The following CHD7 variants were observed in gnomAD, a reference collection of about 807,000 sequenced individuals.
The protein encoded by CHD7 is ATP-dependent chromatin remodeler CHD7.
A neutral mutation model predicts 307.3 loss-of-function variants in CHD7; 24 were observed. The observed-to-expected ratio is 0.08, with a 90% CI of 0.06 to 0.11. The LOEUF (loss-of-function observed/expected upper bound fraction) is 0.11. CHD7 is among the 10% of genes least tolerant of loss of function. The pLI is 1.00. For synonymous variants in CHD7, 1,363 were observed against 1,349.9 expected, an observed-to-expected ratio of 1.01 and a Z score of -0.21; for missense variants, 3,106 against 3,727.1, an observed-to-expected ratio of 0.83 and a Z score of 4.34.
intron 14 of CHD7, among the ~76,000 whole-genome samples, chr8:60,829,743 A>G (rs6997208): frequency 0.84 from 127,331 of 152,264 alleles, 53,667 homozygotes; most frequent in East Asian, 0.94. Flanking sequence ...TGCCCCCTCC[A>G]CTGACTTACT....
At chr8:60,679,921 G>C (rs1805503348) in intron 1 of CHD7, 1 of 151,946 alleles carries the variant, frequency 6.6e-6, no homozygotes, top group African/African-American at 2.4e-5. Context: ...CCGGAGTTGG[G>C]GGCTCCTGGG....
rs193140738 is a variant in CHD7, at chr8:60,733,644, T to G, written c.-174-7615T>G. On this transcript the variant is annotated intron_variant, in intron 1 of 37. Transcript: ENST00000423902. ...ATAATTTATGTATGGGGTAATATAC[T>G]CCTTTTGACCACTTTGGAAAAAGCT... Among the ~76,000 whole-genome samples, 257 of 152,358 alleles carry G rather than the reference T, an allele frequency of 1.7e-3. 1 individual carries two copies. Among genetic ancestry groups the G allele is most frequent in the African/African-American group, 5.7e-3 (239 of 41,578 alleles).
At chr8:60,767,530 G>A (rs1272024458) in intron 2 of CHD7, among the ~76,000 whole-genome samples, 1 of 152,230 alleles carries the variant, frequency 6.6e-6, no homozygotes, top group Non-Finnish European at 1.5e-5. Flanking sequence ...GCCTTGGCTG[G>A]TGCTCAGTGG....
intron 2 of CHD7, among the ~76,000 whole-genome samples, chr8:60,779,448 G>A (rs1811100686): frequency 6.6e-6 from 1 of 152,204 alleles, no homozygotes; most frequent in East Asian, 1.9e-4. Context: ...CACTAACTGT[G>A]TGACCTGGGG....
At chr8:60,759,000 T>A (rs1270133316) in intron 2 of CHD7, among the ~76,000 whole-genome samples, 1 of 152,196 alleles carries the variant, frequency 6.6e-6, no homozygotes, top group Non-Finnish European at 1.5e-5. Flanking sequence ...CTTGCACCAC[T>A]GATGTAAATG....
At chr8:60,850,376 G>C in intron 25 of CHD7, 117 bp from the exon 26 acceptor site, 1 of 1,272,558 alleles carries the variant, frequency 7.9e-7, no homozygotes. Flanking sequence ...GGATTCAACA[G>C]AGATGCTAAC....
rs1331824961 is a variant in CHD7 at position 60,800,509 on chromosome 8, C to T, written c.2360C>T (p.Ser787Phe). The stretch of plus-strand genomic sequence containing the variant: ...GGGAGGGATTCCCCCTCCAACACCT[C>T]CCAGTCAGAACAGCAGGTTAGTACC... ...AAGRDSPSNT[S>F]QSEQQESVDA... The change falls in exon 5 of 38, where the codon TCC (serine) becomes TTC (phenylalanine). Residue 787 changes from serine to phenylalanine, a missense_variant. By Grantham distance (155) the Ser-to-Phe change is radical (BLOSUM62 -2). Coordinates refer to ENST00000423902, the MANE Select transcript of CHD7 (RefSeq NM_017780.4). 1 of 1,613,660 alleles carries T rather than the reference C, an allele frequency of 6.2e-7. No homozygotes were observed. Among genetic ancestry groups the T allele is most frequent in the African/African-American group, 1.3e-5 (1 of 75,014 alleles).
At chr8:60,726,845 C>A (rs990784981) in intron 1 of CHD7, among the ~76,000 whole-genome samples, 3 of 152,206 alleles carry the variant, frequency 2.0e-5, no homozygotes, top group Non-Finnish European at 2.9e-5. Context: ...CTTCAGCCAT[C>A]TGCACCCACC....
At chr8:60,816,113 G>GTCTGTCTGTCTCTCTCTCTCTCTC (rs58405811) in intron 7 of CHD7, among the ~76,000 whole-genome samples, 2 of 139,318 alleles carry the variant, frequency 1.4e-5, no homozygotes, top group Admixed American at 7.1e-5. Context: ...CTGTCTGTCT[G>GTCTGTCTGTCTCTCTCTCTCTCTC]TCTCTCTCTC....
rs151322460 is a variant in CHD7 at position 60,848,612 on chromosome 8, C to T, written c.5300+8C>T. On this transcript the variant is annotated splice_region_variant and intron_variant, in intron 24 of 37. Transcript: ENST00000423902. ...AGAGGGTGCTGACTCAAGGTTAGTGCGAGCTCACATTTGTTCTCAACCTCA... is the reference window on the plus strand; with the variant it reads ...AGAGGGTGCTGACTCAAGGTTAGTGTGAGCTCACATTTGTTCTCAACCTCA... The T allele has an allele frequency of 5.3e-4, 849 of 1,605,148 alleles. 3 individuals carry two copies. The highest frequency in any genetic ancestry group is 2.7e-4 in the African/African-American group (20 of 74,844).
intron 13 of CHD7, chr8:60,825,057 CA>C (rs1804204767): frequency 6.6e-6 from 1 of 152,078 alleles, no homozygotes. Context: ...CACGGAAGTA[CA>C]AAAAGGGTTT....
chr8:60,790,422 T>A (rs1333536628), intron 3 of CHD7, among the ~76,000 whole-genome samples: 1 of 152,208 alleles, frequency 6.6e-6, no homozygotes, highest in African/African-American at 2.4e-5. Context: ...AGGCAAGGTA[T>A]GTAGATGGTA....
At chr8:60,705,439 A>G (rs1389424353) in intron 1 of CHD7, among the ~76,000 whole-genome samples, 1 of 152,234 alleles carries the variant, frequency 6.6e-6, no homozygotes, top group African/African-American at 2.4e-5. Flanking sequence ...TACTCGTTTG[A>G]TACTTAATGT....
intron 2 of CHD7, among the ~76,000 whole-genome samples, chr8:60,769,841 A>G (rs1810631779): frequency 1.3e-5 from 2 of 152,204 alleles, no homozygotes; most frequent in Non-Finnish European, 2.9e-5. Flanking sequence ...TGGTAATTGG[A>G]GATGTTTCTC....
At chr8:60,857,787 C>G (rs965658803) in intron 34 of CHD7, among the ~76,000 whole-genome samples, 4 of 152,192 alleles carry the variant, frequency 2.6e-5, no homozygotes, top group Admixed American at 6.5e-5. Context: ...CTTACACCAT[C>G]CCTATTATTA....
intron 1 of CHD7, among the ~76,000 whole-genome samples, chr8:60,684,787 C>A (rs1321305158): frequency 6.6e-6 from 1 of 152,048 alleles, no homozygotes; most frequent in Non-Finnish European, 1.5e-5. Context: ...GCCTTTGACA[C>A]GAGCAGAGTA....
chr8:60,846,753 T>G (rs1265365081), intron 23 of CHD7, among the ~76,000 whole-genome samples: 1 of 152,228 alleles, frequency 6.6e-6, no homozygotes, highest in Non-Finnish European at 1.5e-5. Flanking sequence ...TGTCTAAGAT[T>G]AGTATGATTT....
intron 7 of CHD7, among the ~76,000 whole-genome samples, chr8:60,815,662 G>T (rs1803702005): frequency 6.6e-6 from 1 of 152,198 alleles, no homozygotes; most frequent in Non-Finnish European, 1.5e-5. Context: ...CCCAGTGCAG[G>T]TATAGATGAT....
intron 1 of CHD7, among the ~76,000 whole-genome samples, chr8:60,710,877 C>A (rs559927251): frequency 3.3e-5 from 5 of 152,188 alleles, no homozygotes; most frequent in African/African-American, 1.2e-4. Flanking sequence ...CACAAGATCA[C>A]CTAGGCAGGA....
Sources: allele counts gnomAD v4.1 joint callset (sites outside exome capture counted in the v4.1 genomes callset), GRCh38; gene constraint gnomAD v4.1.1; transcripts MANE v1.5; gene names NCBI Gene and HGNC (gene_info 2026-07-23, HGNC 2026-07-21).